ITGBL1: variants seen among roughly 807,000 people sequenced by gnomAD.
ITGBL1 encodes integrin beta-like protein 1.
In ITGBL1, 51 loss-of-function variants were observed where a neutral mutation model predicts 68.5. The ratio of observed to expected loss-of-function variants is 0.74; its 90% CI spans 0.59 to 0.94. The LOEUF is 0.94. Ranked by LOEUF, ITGBL1 falls within the 40% of genes least tolerant of loss-of-function variation. The pLI is 0.00. For synonymous variants in ITGBL1, 209 were observed against 227.3 expected (o/e 0.92, Z 0.72); for missense variants, 649 against 647.4 (o/e 1.00, Z -0.03).
intron 4 of ITGBL1, 123 bp downstream of exon 4, chr13:101,575,669 A>T (rs1200419467): frequency 1.2e-5 from 11 of 951,544 alleles, no homozygotes; most frequent in Non-Finnish European, 1.7e-5. Context: ...ACCTATGTTT[A>T]TCTGGAAAAC....
At chr13:101,479,967 ACATACCGAAAAGAAAAGAAAT>A (rs1193861268) in intron 2 of ITGBL1, among the ~76,000 whole-genome samples, 2 of 152,144 alleles carry the variant, frequency 1.3e-5, no homozygotes, top group Admixed American at 1.3e-4. Context: ...ACTGCTGGAT[ACATACCGAAAAGAAAAGAAAT>A]CAGGGTATGG....
intron 7 of ITGBL1, among the ~76,000 whole-genome samples, chr13:101,654,505 AAT>A (rs1186575189): frequency 2.0e-5 from 3 of 152,170 alleles, no homozygotes; most frequent in Non-Finnish European, 4.4e-5. Flanking sequence ...TGAGATTTGG[AAT>A]ATGAGTGAAA....
At chr13:101,691,376 T>G (rs1434208792) in intron 7 of ITGBL1, among the ~76,000 whole-genome samples, 1 of 152,222 alleles carries the variant, frequency 6.6e-6, no homozygotes, top group African/African-American at 2.4e-5. Flanking sequence ...AGATTATCTT[T>G]AATTACAGCT....
chr13:101,548,314 G>A (rs1204792063), intron 2 of ITGBL1, among the ~76,000 whole-genome samples: 1 of 151,796 alleles, frequency 6.6e-6, no homozygotes, highest in Admixed American at 6.6e-5. Context: ...ATTACTAATG[G>A]TGTCAGTACA....
intron 7 of ITGBL1, among the ~76,000 whole-genome samples, chr13:101,630,731 T>C (rs1253587831): frequency 6.6e-6 from 1 of 152,226 alleles, no homozygotes; most frequent in African/African-American, 2.4e-5. Context: ...TGGTAAGTGC[T>C]GATCTGCATT....
intron 7 of ITGBL1, among the ~76,000 whole-genome samples, chr13:101,611,206 G>T (rs565523928): frequency 3.3e-5 from 5 of 152,252 alleles, no homozygotes; most frequent in African/African-American, 1.2e-4. Flanking sequence ...GAGGTTAATT[G>T]TTAGTAAAAT....
intron 2 of ITGBL1, among the ~76,000 whole-genome samples, chr13:101,548,450 C>T (rs917547782): frequency 6.6e-6 from 1 of 151,756 alleles, no homozygotes; most frequent in Non-Finnish European, 1.5e-5. Flanking sequence ...CAAAATTTAT[C>T]TTAATCTATG....
chr13:101,638,816 A>G (rs1354049936), intron 7 of ITGBL1, among the ~76,000 whole-genome samples: 2 of 152,220 alleles, frequency 1.3e-5, no homozygotes, highest in East Asian at 3.8e-4. Flanking sequence ...CCATATCACT[A>G]TTATTCAGAG....
intron 2 of ITGBL1, among the ~76,000 whole-genome samples, chr13:101,531,569 C>T (rs2049475789): frequency 6.8e-6 from 1 of 146,410 alleles, no homozygotes. Flanking sequence ...TAGTTGGTTT[C>T]TGGAACACGC....
chr13:101,561,120 G>A (rs1193459940), intron 2 of ITGBL1, among the ~76,000 whole-genome samples: 2 of 152,202 alleles, frequency 1.3e-5, no homozygotes, highest in African/African-American at 2.4e-5. Flanking sequence ...ATTAGGTGCT[G>A]AGAAGGGTGG....
At chr13:101,578,568 A>G (rs1426671360) in intron 4 of ITGBL1, among the ~76,000 whole-genome samples, 1 of 152,154 alleles carries the variant, frequency 6.6e-6, no homozygotes, top group Non-Finnish European at 1.5e-5. Flanking sequence ...GCTTGGAGGC[A>G]AGTGCAGATG....
At chr13:101,632,019 AG>A (rs1224529538) in intron 7 of ITGBL1, among the ~76,000 whole-genome samples, 7 of 152,068 alleles carry the variant, frequency 4.6e-5, no homozygotes, top group Admixed American at 3.9e-4. Context: ...CACAAAAAAA[AG>A]CAAAAACTAT....
chr13:101,546,370 A>G (rs1035963370), intron 2 of ITGBL1, among the ~76,000 whole-genome samples: 6 of 152,198 alleles, frequency 3.9e-5, no homozygotes, highest in Non-Finnish European at 5.9e-5. Context: ...TTTAGTGTGC[A>G]TGATATTGTG....
intron 2 of ITGBL1, among the ~76,000 whole-genome samples, chr13:101,549,962 G>A (rs969579539): frequency 1.1e-4 from 16 of 152,082 alleles, no homozygotes; most frequent in African/African-American, 3.9e-4. Flanking sequence ...AGATGCTCCT[G>A]TAAGGAAGAA....
chr13:101,491,619 T>C (rs906865742), intron 2 of ITGBL1, among the ~76,000 whole-genome samples: 2 of 149,790 alleles, frequency 1.3e-5, no homozygotes, highest in African/African-American at 5.1e-5. Context: ...ATTGCTTTCT[T>C]TTTCTTTATT....
At chr13:101,556,411 C>T (rs982353374) in intron 2 of ITGBL1, among the ~76,000 whole-genome samples, 5 of 151,954 alleles carry the variant, frequency 3.3e-5, no homozygotes, top group Non-Finnish European at 7.4e-5. Flanking sequence ...CCGAGGCAGG[C>T]GGATCCCCTG....
chr13:101,714,438 G>C lies in ITGBL1; in HGVS notation c.1280G>C (p.Gly427Ala). 1.3e-6 allele frequency: 2 copies of C among 1,572,392 alleles called. No individual in the cohort carries two copies. Among genetic ancestry groups the C allele is most frequent in the East Asian group, 4.5e-5 (2 of 44,514 alleles). ...TGAGTAATAGCCTTTGTAATTTCAG[G>C]TTCTTGTCATTGTGGGAAGTGCATT... Reference protein sequence around the residue: ...SADGILCSGKGSCHCGKCICS... With the variant: ...SADGILCSGKASCHCGKCICS... The change falls in exon 10 of 11, where the codon GGT becomes GCT. Residue 427 changes from glycine to alanine, a missense_variant and splice_region_variant. Transcript: ENST00000376180.
At chr13:101,552,592 A>T (rs2049939121) in intron 2 of ITGBL1, among the ~76,000 whole-genome samples, 1 of 152,204 alleles carries the variant, frequency 6.6e-6, no homozygotes, top group East Asian at 1.9e-4. Flanking sequence ...GATCAAGCAA[A>T]CTGTCAATAA....
intron 7 of ITGBL1, among the ~76,000 whole-genome samples, chr13:101,644,282 A>G (rs556785437): frequency 6.6e-6 from 1 of 152,310 alleles, no homozygotes; most frequent in Admixed American, 6.5e-5. Flanking sequence ...AAAACAGTGG[A>G]GTTTTATGTA....
Sources: allele counts gnomAD v4.1 joint callset (sites outside exome capture counted in the v4.1 genomes callset), GRCh38; gene constraint gnomAD v4.1.1; transcripts MANE v1.5; gene names NCBI Gene and HGNC (gene_info 2026-07-23, HGNC 2026-07-21).